SLC22A5: variants seen among roughly 807,000 people sequenced by gnomAD.
The protein encoded by SLC22A5 is organic cation/carnitine transporter 2.
Under a neutral mutation model 56.7 loss-of-function variants are expected in SLC22A5, and 44 were observed. That is an observed-to-expected ratio of 0.78 (90% confidence interval 0.61 to 1.00). The LOEUF (loss-of-function observed/expected upper bound fraction) is 1.00. Ranked by LOEUF, SLC22A5 falls within the 50% of genes least tolerant of loss-of-function variation. The pLI is 0.00. For synonymous variants in SLC22A5, 278 were observed against 292.1 expected (o/e 0.95, Z 0.49); for missense variants, 675 against 723.0 (o/e 0.93, Z 0.76).
rs114718370 is a variant in SLC22A5 at position 132,370,893 on chromosome 5, C to G, written c.393+528C>G. 3.0e-3 allele frequency among the ~76,000 whole-genome samples: 461 copies of G among 151,978 alleles called. 5 individuals carry two copies. The highest frequency in any genetic ancestry group is 0.01 in the African/African-American group (428 of 41,486). ...TCCCCTACCGTCCACAACCCAAAAA[C>G]GACAATCTGGTCATGCCCTGTAAGT... On this transcript the variant is annotated intron_variant, in intron 1 of 9. Transcript: ENST00000245407.
intron 8 of SLC22A5, 108 bp from the exon 9 acceptor site, chr5:132,393,568 C>T: frequency 7.5e-7 from 1 of 1,332,158 alleles, no homozygotes; most frequent in Non-Finnish European, 1.1e-6. Flanking sequence ...GATGTGAGAC[C>T]AAGAAGGAAA....
rs375679167 is a variant in SLC22A5, at chr5:132,390,777, G to A, written c.1140G>A (p.Ala380=). 76 of 1,614,062 alleles carry A rather than the reference G, an allele frequency of 4.7e-5. No individual in the cohort carries two copies. The highest frequency in any genetic ancestry group is 1.6e-4 in the Middle Eastern group (1 of 6,084). ...TCTTTGTGAACTGCTTCCTTTCAGCGATGGTTGAAGTCCCAGCATATGTGT... is the reference window on the plus strand; with the variant it reads ...TCTTTGTGAACTGCTTCCTTTCAGCAATGGTTGAAGTCCCAGCATATGTGT... ...GDIFVNCFLS[A]MVEVPAYVLA... is the part of the protein sequence containing the mutation. The change falls in exon 7 of 10, where the codon GCG becomes GCA. Residue 380 remains alanine, a synonymous_variant. Coordinates refer to ENST00000245407, the MANE Select transcript of SLC22A5 (RefSeq NM_003060.4).
chr5:132,394,249 A>G lies in SLC22A5; in HGVS notation c.1651A>G (p.Ile551Val), dbSNP rs745329092. ...MLKDGQERPT[I>V]LKSTAF ...AAAAGATGGTCAAGAAAGGCCCACA[A>G]TCCTTAAAAGCACAGCCTTCTAACA... The change falls in exon 10 of 10, where the codon ATC becomes GTC. Residue 551 changes from isoleucine to valine, a missense_variant. Physicochemically the swap from Ile to Val is conservative, Grantham distance 29 (BLOSUM62 3). Coordinates refer to ENST00000245407, the MANE Select transcript of SLC22A5 (RefSeq NM_003060.4). 1.2e-5 allele frequency: 20 copies of G among 1,612,672 alleles called. 1 individual carries two copies. Among genetic ancestry groups the G allele is most frequent in the South Asian group, 1.2e-4 (11 of 91,070 alleles).
chr5:132,372,993 T>G lies in SLC22A5; in HGVS notation c.393+2628T>G, dbSNP rs57078864. Among the ~76,000 whole-genome samples, 126 of 152,366 alleles carry G rather than the reference T, an allele frequency of 8.3e-4. 2 individuals are homozygous for G. The East Asian group carries it at 0.019, about 23-fold the overall frequency. Reference sequence around the variant, plus strand: ...GGAACCTCAGGTGTCCTGTTTGGATTTTTTTAATTTGTTCAAGTTAAAGTA... The same window carrying G: ...GGAACCTCAGGTGTCCTGTTTGGATGTTTTTAATTTGTTCAAGTTAAAGTA... On this transcript the variant is annotated intron_variant, in intron 1 of 9. Transcript: ENST00000245407.
At chr5:132,386,413 G>A (rs1167966296) in intron 4 of SLC22A5, among the ~76,000 whole-genome samples, 12 of 151,814 alleles carry the variant, frequency 7.9e-5, no homozygotes, top group Admixed American at 7.9e-4. Flanking sequence ...GTATTTCTTT[G>A]GAGAGACGGG....
At chr5:132,389,975 G>A (rs990453896) in intron 6 of SLC22A5, 1 of 156,918 alleles carries the variant, frequency 6.4e-6, no homozygotes, top group African/African-American at 2.4e-5. Context: ...CCAGCTGTGT[G>A]TTCCACCTGC....
At chr5:132,389,269 T>G in intron 6 of SLC22A5, 1 of 459,810 alleles carries the variant, frequency 2.2e-6, no homozygotes, top group Non-Finnish European at 4.0e-6. Flanking sequence ...GTGGGGAATC[T>G]CTCCAGATCT....
Position 132,369,941 on chromosome 5 carries a change from C to G in SLC22A5, c.-32C>G. The G allele has an allele frequency of 6.2e-7, 1 of 1,610,296 alleles. No individual in the cohort carries two copies. Among genetic ancestry groups the G allele is most frequent in the Non-Finnish European group, 8.5e-7 (1 of 1,178,740 alleles). ...CAAAGCCCGCCGCGTTCCCCGACCC[C>G]AGGCCGCGCTCTGTGGGCCTCTGAG... On this transcript the variant is annotated 5_prime_UTR_variant, in exon 1 of 10. Transcript: ENST00000245407.
At chr5:132,376,190 G>C (rs2126773091) in intron 1 of SLC22A5, 1 of 152,390 alleles carries the variant, frequency 6.6e-6, no homozygotes, top group Admixed American at 6.5e-5. Flanking sequence ...CTTGTGTTCA[G>C]TTTTGAGACC....
intron 5 of SLC22A5, 21 bp from the exon 6 acceptor site, chr5:132,388,900 C>G: frequency 6.6e-7 from 1 of 1,512,664 alleles, no homozygotes; most frequent in Non-Finnish European, 9.2e-7. Flanking sequence ...TTCCCATACA[C>G]TTATGATGTT....
At position 132,384,256 on chromosome 5, in the gene SLC22A5, G is replaced by A. The variant is rs1170954508; in HGVS notation, c.607G>A (p.Val203Ile). The change falls in exon 3 of 10, where the codon GTA (valine) becomes ATA (isoleucine). Residue 203 changes from valine to isoleucine, a missense_variant. Coordinates refer to ENST00000245407, the MANE Select transcript of SLC22A5 (RefSeq NM_003060.4). The part of the protein sequence containing the change: ...FEMFVVLFVL[V>I]GMGQISNYVA... Reference sequence around the variant, plus strand: ...GATGTTTGTCGTGCTGTTTGTCCTTGTAGGCATGGGCCAGATCTCCAACTA... The same window carrying A: ...GATGTTTGTCGTGCTGTTTGTCCTTATAGGCATGGGCCAGATCTCCAACTA... 1.2e-6 allele frequency: 2 copies of A among 1,614,256 alleles called. No individual in the cohort carries two copies. Among genetic ancestry groups the A allele is most frequent in the South Asian group, 1.1e-5 (1 of 91,086 alleles).
At chr5:132,392,190 A>C (rs1343094270) in intron 7 of SLC22A5, among the ~76,000 whole-genome samples, 1 of 152,162 alleles carries the variant, frequency 6.6e-6, no homozygotes, top group Non-Finnish European at 1.5e-5. Flanking sequence ...TTGGACTATT[A>C]AGGAGCTTAC....
At chr5:132,393,906 C>G in intron 9 of SLC22A5, 95 bp downstream of exon 9, 1 of 1,399,156 alleles carries the variant, frequency 7.1e-7, no homozygotes, top group Non-Finnish European at 1.0e-6. Flanking sequence ...CAAACTCCCT[C>G]TCACAGACAC....
chr5:132,393,819 G>T lies in SLC22A5; in HGVS notation c.1586+8G>T. The T allele has an allele frequency of 1.2e-6, 2 of 1,614,136 alleles. No individual in the cohort carries two copies. On this transcript the variant is annotated splice_region_variant and intron_variant, in intron 9 of 9. Coordinates refer to ENST00000245407, the MANE Select transcript of SLC22A5 (RefSeq NM_003060.4). ...GATGCTAAGAGTCAAAGGGTAAGAA[G>T]ACCTCCTCTGTCAGTGTTGATGCAC...
In SLC22A5 at chr5:132,370,190, A is replaced by G. The variant is rs1580867969; in HGVS notation, c.218A>G (p.Asp73Gly). The G allele has an allele frequency of 6.3e-7, 1 of 1,595,232 alleles. No individual in the cohort carries two copies. The highest frequency in any genetic ancestry group is 8.5e-7 in the Non-Finnish European group (1 of 1,171,266). The change falls in exon 1 of 10, where the codon GAC becomes GGC. Residue 73 changes from aspartate to glycine, a missense_variant. By Grantham distance (94) the Asp-to-Gly change is moderately conservative. Coordinates refer to ENST00000245407, the MANE Select transcript of SLC22A5 (RefSeq NM_003060.4). Reference protein sequence around the residue: ...RNHTVPLRLRDGREVPHSCRR... With the variant: ...RNHTVPLRLRGGREVPHSCRR... ...CACACTGTCCCACTGCGGCTGCGGG[A>G]CGGCCGCGAGGTGCCCCACAGCTGC...
At chr5:132,392,143 A>G (rs1423109871) in intron 7 of SLC22A5, among the ~76,000 whole-genome samples, 1 of 152,224 alleles carries the variant, frequency 6.6e-6, no homozygotes, top group Non-Finnish European at 1.5e-5. Flanking sequence ...CCTGACAGAC[A>G]TGTCTTTAAT....
chr5:132,378,137 G>A (rs1752210771), intron 1 of SLC22A5: 1 of 1,557,268 alleles, frequency 6.4e-7, no homozygotes, highest in African/African-American at 1.4e-5. Context: ...CTTACTCTCT[G>A]CCTGTCTCTC....
intron 1 of SLC22A5, among the ~76,000 whole-genome samples, chr5:132,372,196 G>T (rs531772309): frequency 2.0e-5 from 3 of 152,226 alleles, no homozygotes. Flanking sequence ...CAGGAAATTG[G>T]AACCTTCAGT....
chr5:132,391,952 C>T (rs1752714764), intron 7 of SLC22A5, among the ~76,000 whole-genome samples: 1 of 152,196 alleles, frequency 6.6e-6, no homozygotes, highest in Non-Finnish European at 1.5e-5. Context: ...CATAGCTCTC[C>T]CATCAGCACA....
Sources: allele counts gnomAD v4.1 joint callset (sites outside exome capture counted in the v4.1 genomes callset), GRCh38; gene constraint gnomAD v4.1.1; transcripts MANE v1.5; gene names NCBI Gene and HGNC (gene_info 2026-07-23, HGNC 2026-07-21).